Variants in HPCAL1 observed in about 807,000 individuals in gnomAD.
HPCAL1 encodes hippocalcin-like protein 1.
HPCAL1 carries 8 observed loss-of-function variants against 17.1 expected under a neutral mutation model. The observed-to-expected ratio is 0.47, with a 90% CI of 0.27 to 0.84. The LOEUF (loss-of-function observed/expected upper bound fraction) is 0.84. Ranked by LOEUF, HPCAL1 falls within the 40% of genes least tolerant of loss-of-function variation. HPCAL1 has a pLI of 0.13. For missense variants in HPCAL1, 165 were observed against 271.1 expected (o/e 0.61, Z 2.75); for synonymous variants, 112 against 111.4 (o/e 1.01, Z -0.03).
intron 1 of HPCAL1, among the ~76,000 whole-genome samples, chr2:10,360,216 G>T (rs1227898644): frequency 6.6e-6 from 1 of 152,156 alleles, no homozygotes; most frequent in Non-Finnish European, 1.5e-5. Context: ...CAGGCAGCAG[G>T]CACCAGGAGC....
chr2:10,324,472 A>G (rs929302128), intron 1 of HPCAL1: 9 of 152,354 alleles, frequency 5.9e-5, no homozygotes, highest in Middle Eastern at 3.4e-3. Context: ...CTTTTGCCTC[A>G]GTTTCCTCGC....
rs571367563 is a variant in HPCAL1, at chr2:10,323,252, G to A, written c.-111+20075G>A. Among the ~76,000 whole-genome samples, 2 of 152,330 alleles carry A rather than the reference G, an allele frequency of 1.3e-5. No individual in the cohort carries two copies. The highest frequency in any genetic ancestry group is 1.9e-4 in the East Asian group (1 of 5,182). ...CCACGCTCTCAACCGTTGGTTGCAG[G>A]TTCCCGTCCAGCCTCTCAAGCTGGC... is the stretch of plus-strand genomic sequence containing the variant. On this transcript the variant is annotated intron_variant, in intron 1 of 4. Coordinates refer to ENST00000307845, the MANE Select transcript of HPCAL1 (RefSeq NM_002149.4). This position sits in a 1 kb window ranked among gnomAD's most constrained non-coding sequence, Gnocchi z 4.6.
intron 1 of HPCAL1, among the ~76,000 whole-genome samples, chr2:10,340,075 T>C (rs6758633): frequency 0.14 from 21,114 of 152,286 alleles, 1,601 homozygotes; most frequent in South Asian, 0.23. Context: ...TCTCATAGTA[T>C]GAGCCTTCAA....
At chr2:10,347,041 T>C (rs1310092069) in intron 1 of HPCAL1, among the ~76,000 whole-genome samples, 2 of 137,544 alleles carry the variant, frequency 1.5e-5, no homozygotes, top group Non-Finnish European at 3.0e-5. Context: ...AGGAGCAGAG[T>C]GCTCATAGAT....
intron 1 of HPCAL1, among the ~76,000 whole-genome samples, chr2:10,318,598 C>T (rs1239916011): frequency 6.6e-6 from 1 of 152,184 alleles, no homozygotes; most frequent in South Asian, 2.1e-4. Context: ...CCATGTGCAG[C>T]CGGTGATTGG....
At chr2:10,388,701 C>CTAAGT (rs1668487273) in intron 1 of HPCAL1, among the ~76,000 whole-genome samples, 6 of 152,210 alleles carry the variant, frequency 3.9e-5, no homozygotes, top group Non-Finnish European at 7.3e-5. Flanking sequence ...TCCCCAGCCC[C>CTAAGT]CAAGTCCCAC....
intron 1 of HPCAL1, among the ~76,000 whole-genome samples, chr2:10,390,626 A>G (rs1418191741): frequency 6.6e-6 from 1 of 152,082 alleles, no homozygotes; most frequent in Non-Finnish European, 1.5e-5. Context: ...CAAGCAGGAG[A>G]GGCCACTTCC....
At chr2:10,317,636 T>C (rs903762592) in intron 1 of HPCAL1, among the ~76,000 whole-genome samples, 1 of 152,204 alleles carries the variant, frequency 6.6e-6, no homozygotes. Flanking sequence ...TAGGCTAGTC[T>C]CAAACTCCTG....
Position 10,354,798 on chromosome 2 carries a change from G to A in HPCAL1, c.-110-42037G>A, listed in dbSNP as rs1347807698. ...CAAATGCCCTGGGTTTTCCAAACGT[G>A]TCTGATCTTAAATACACAGCCCTGC... On this transcript the variant is annotated intron_variant, in intron 1 of 4. Coordinates refer to ENST00000307845, the MANE Select transcript of HPCAL1 (RefSeq NM_002149.4). This position sits in a 1 kb window ranked among gnomAD's most constrained non-coding sequence, Gnocchi z 5.1. 6.6e-6 allele frequency among the ~76,000 whole-genome samples: 1 copy of A among 152,264 alleles called. No individual in the cohort carries two copies. The highest frequency in any genetic ancestry group is 2.4e-5 in the African/African-American group (1 of 41,476).
At chr2:10,325,709 G>A (rs566724612) in intron 1 of HPCAL1, among the ~76,000 whole-genome samples, 15 of 152,218 alleles carry the variant, frequency 9.9e-5, no homozygotes, top group Non-Finnish European at 1.3e-4. Context: ...GCTTTAAGAC[G>A]TCACAAGCCA....
At chr2:10,357,463 G>A (rs1666227863) in intron 1 of HPCAL1, among the ~76,000 whole-genome samples, 1 of 152,230 alleles carries the variant, frequency 6.6e-6, no homozygotes, top group Non-Finnish European at 1.5e-5. Flanking sequence ...AACCACCCCA[G>A]GGGGATGCAG....
At chr2:10,325,809 T>G (rs545839388) in intron 1 of HPCAL1, among the ~76,000 whole-genome samples, 1 of 152,244 alleles carries the variant, frequency 6.6e-6, no homozygotes. Flanking sequence ...ACCTCGGTCC[T>G]GCTGGTCCCA....
intron 1 of HPCAL1, among the ~76,000 whole-genome samples, chr2:10,325,007 A>G (rs957686939): frequency 8.1e-6 from 1 of 122,944 alleles, no homozygotes; most frequent in African/African-American, 3.1e-5. Context: ...TTTTTTTTGT[A>G]TTTTTAGTAG....
At chr2:10,345,039 TTCTC>T (rs1396082008) in intron 1 of HPCAL1, among the ~76,000 whole-genome samples, 1 of 149,802 alleles carries the variant, frequency 6.7e-6, no homozygotes, top group African/African-American at 2.5e-5. Flanking sequence ...ATGTGTCTGT[TTCTC>T]TCTCTCTCTC....
chr2:10,412,215 C>T (rs921989825), intron 2 of HPCAL1, among the ~76,000 whole-genome samples: 2 of 152,178 alleles, frequency 1.3e-5, no homozygotes, highest in South Asian at 2.1e-4. Flanking sequence ...CTTTCTCAGC[C>T]GGGGTTCCAG....
chr2:10,405,122 A>T (rs1479910904), intron 2 of HPCAL1, among the ~76,000 whole-genome samples: 1 of 152,218 alleles, frequency 6.6e-6, no homozygotes, highest in Admixed American at 6.5e-5. Flanking sequence ...CCCATTTTAC[A>T]GTCAAGGAAA....
intron 2 of HPCAL1, among the ~76,000 whole-genome samples, chr2:10,399,226 CCACCACCACCACCAT>C (rs1669278176): frequency 1.5e-4 from 12 of 78,362 alleles, no homozygotes; most frequent in Non-Finnish European, 2.6e-4. Context: ...ACCACCACCA[CCACCACCACCACCAT>C]CACCACCACC....
chr2:10,363,588 TGTCA>T lies in HPCAL1; in HGVS notation c.-110-33245_-110-33242del, dbSNP rs774503624. Among the ~76,000 whole-genome samples, 17 of 152,218 alleles carry T rather than the reference TGTCA, an allele frequency of 1.1e-4. No individual in the cohort carries two copies. Among genetic ancestry groups the T allele is most frequent in the Non-Finnish European group, 2.2e-4 (15 of 68,034 alleles). On this transcript the variant is annotated intron_variant, in intron 1 of 4. Transcript: ENST00000307845. The surrounding 1 kb of genome is among the most constrained non-coding windows in gnomAD (Gnocchi z 4.7). Reference sequence around the variant, plus strand: ...AAGTGTGTGACCCGAAGCCTCCTCCTGTCAGAACCACCGGGGAGCTCACAAGCTA... The same window carrying T: ...AAGTGTGTGACCCGAAGCCTCCTCCTGAACCACCGGGGAGCTCACAAGCTA...
chr2:10,333,571 T>C (rs1664521408), intron 1 of HPCAL1, among the ~76,000 whole-genome samples: 2 of 152,226 alleles, frequency 1.3e-5, no homozygotes, highest in Admixed American at 6.5e-5. Context: ...GGAATTGCTC[T>C]GTGCTCTCAG....
Sources: gnomAD v4.1 joint callset for allele counts (sites outside exome capture counted in the v4.1 genomes callset) on GRCh38, gnomAD v4.1.1 for gene constraint, Gnocchi (gnomAD v3.1) non-coding constraint, MANE v1.5 for transcripts, NCBI Gene and HGNC (gene_info 2026-07-23, HGNC 2026-07-21) for gene names.